Variants in TP73 observed in about 807,000 individuals in gnomAD.
The protein encoded by TP73 is tumor protein p73, also known as p53-like transcription factor.
TP73 carries 25 observed loss-of-function variants against 62.5 expected under a neutral mutation model. The ratio of observed to expected loss-of-function variants is 0.40; its 90% CI spans 0.29 to 0.56. TP73 has a LOEUF of 0.56. Among genes scored for constraint, TP73 ranks in the 20% least tolerant of loss-of-function variants. TP73 has a pLI of 0.46. For missense variants in TP73, 754 were observed against 913.3 expected (o/e 0.83, Z 2.25); for synonymous variants, 423 against 377.5 (o/e 1.12, Z -1.40).
At chr1:3,709,118 G>A (rs3765755) in intron 4 of TP73, among the ~76,000 whole-genome samples, 2 of 152,068 alleles carry the variant, frequency 1.3e-5, no homozygotes, top group East Asian at 1.9e-4. Context: ...CAGTCCTGCC[G>A]GGCTGGTCTG....
chr1:3,692,151 G>A (rs1047129664), intron 3 of TP73, among the ~76,000 whole-genome samples: 1 of 152,180 alleles, frequency 6.6e-6, no homozygotes, highest in Admixed American at 6.5e-5. Flanking sequence ...TGGTACTGCA[G>A]GTGTGATTGT....
At position 3,732,983 on chromosome 1, in the gene TP73, C is replaced by A. The variant is rs758304373; in HGVS notation, c.1815C>A (p.Gly605=). Residue 605 remains glycine (G), a synonymous_variant, in exon 14 of 14, where the codon GGC becomes GGA. Transcript: ENST00000378295. ...TIPNRGGPGG[G]PDEWADFGFD... is the part of the protein sequence containing the mutation. ...CCAACCGCGGCGGCCCAGGCGGCGG[C>A]CCTGACGAGTGGGCGGACTTCGGCT... 31 of 1,594,228 alleles carry A rather than the reference C, an allele frequency of 1.9e-5. No homozygotes were observed. The Middle Eastern group carries it at 6.6e-4, about 34-fold the overall frequency.
chr1:3,654,150 G>A (rs776642123), intron 1 of TP73, among the ~76,000 whole-genome samples: 1 of 152,154 alleles, frequency 6.6e-6, no homozygotes, highest in Non-Finnish European at 1.5e-5. Context: ...CTCCAGCCTG[G>A]GCAACAGAGC....
intron 4 of TP73, among the ~76,000 whole-genome samples, chr1:3,714,868 T>TA (rs760281804): frequency 6.6e-6 from 1 of 152,156 alleles, no homozygotes; most frequent in African/African-American, 2.4e-5. Context: ...CCAGATGGGG[T>TA]ACCTGGGTCC....
rs1313106660 is a variant in TP73, at chr1:3,701,893, G to A, written c.187-5656G>A. ...AGCGATGGGCCAGGTTACACAGGTG[G>A]AGCTGAGACTTGGCCCCAGGACTCC... On this transcript the variant is annotated intron_variant, in intron 3 of 13. Coordinates refer to ENST00000378295, the MANE Select transcript of TP73 (RefSeq NM_005427.4). This position sits in a 1 kb window ranked among gnomAD's most constrained non-coding sequence, Gnocchi z 4.7. 6.6e-6 allele frequency among the ~76,000 whole-genome samples: 1 copy of A among 152,216 alleles called. No individual in the cohort carries two copies. Among genetic ancestry groups the A allele is most frequent in the African/African-American group, 2.4e-5 (1 of 41,458 alleles).
intron 3 of TP73, among the ~76,000 whole-genome samples, chr1:3,695,018 CCA>C (rs1488575765): frequency 6.6e-6 from 1 of 152,280 alleles, no homozygotes; most frequent in Non-Finnish European, 1.5e-5. Context: ...CACTTGCTTC[CCA>C]CACTGTCCTT....
chr1:3,669,734 G>A (rs1645198662), intron 1 of TP73, among the ~76,000 whole-genome samples: 1 of 152,240 alleles, frequency 6.6e-6, no homozygotes, highest in Non-Finnish European at 1.5e-5. Context: ...GGAAGGGGCT[G>A]GGCATGTCCT....
At chr1:3,707,918 C>A in intron 4 of TP73, 127 bp downstream of exon 4, 1 of 1,434,754 alleles carries the variant, frequency 7.0e-7, no homozygotes, top group Non-Finnish European at 9.3e-7. Flanking sequence ...CCACCTGGCC[C>A]GGGCCAGGAG....
chr1:3,718,941 C>A (rs1450843580), intron 4 of TP73, among the ~76,000 whole-genome samples: 1 of 152,158 alleles, frequency 6.6e-6, no homozygotes, highest in Non-Finnish European at 1.5e-5. Flanking sequence ...CTAACACCTG[C>A]AGGCCACTGT....
At chr1:3,683,235 G>T (rs1202229083) in intron 3 of TP73, 55 bp downstream of exon 3, 7 of 1,551,580 alleles carry the variant, frequency 4.5e-6, no homozygotes, top group African/African-American at 1.4e-5. Context: ...AACAAATGTG[G>T]CCTGTCCTGT....
chr1:3,699,646 C>T lies in TP73; in HGVS notation c.187-7903C>T, dbSNP rs1471471431. Among the ~76,000 whole-genome samples, 1 of 152,238 alleles carries T rather than the reference C, an allele frequency of 6.6e-6. No individual in the cohort carries two copies. Among genetic ancestry groups the T allele is most frequent in the Non-Finnish European group, 1.5e-5 (1 of 68,048 alleles). On this transcript the variant is annotated intron_variant, in intron 3 of 13. Coordinates refer to ENST00000378295, the MANE Select transcript of TP73 (RefSeq NM_005427.4). The surrounding 1 kb of genome is among the most constrained non-coding windows in gnomAD (Gnocchi z 4.1). ...GTGGTGGATGAAGAAGAGCATGTCT[C>T]TGCCCCGTCTGGAGCTCCCGGTTCC...
Position 3,719,537 on chromosome 1 carries a change from G to A in TP73, c.430-2484G>A, listed in dbSNP as rs184917034. On this transcript the variant is annotated intron_variant, in intron 4 of 13. Transcript: ENST00000378295. ...GGCAGGGCCTTTGTCCAAGAGACCA[G>A]TGCCTGGACACAGGCCACTGCAAGT... Among the ~76,000 whole-genome samples the A allele has an allele frequency of 1.4e-4, 21 of 152,352 alleles. No homozygotes were observed. The East Asian group carries it at 4.1e-3, about 29-fold the overall frequency.
At chr1:3,709,442 C>G (rs928229557) in intron 4 of TP73, among the ~76,000 whole-genome samples, 1 of 152,254 alleles carries the variant, frequency 6.6e-6, no homozygotes, top group Admixed American at 6.5e-5. Flanking sequence ...CGTGCCAGGG[C>G]TGTGGCCAGC....
chr1:3,658,010 G>A (rs979394202), intron 1 of TP73, among the ~76,000 whole-genome samples: 6 of 152,344 alleles, frequency 3.9e-5, no homozygotes, highest in Admixed American at 1.3e-4. Context: ...ATCGGTCTGC[G>A]CGGAAGGGTC....
chr1:3,686,263 C>G (rs532230321), intron 3 of TP73, among the ~76,000 whole-genome samples: 2 of 152,232 alleles, frequency 1.3e-5, no homozygotes, highest in African/African-American at 2.4e-5. Context: ...TGGGTCTCCC[C>G]GAACCACGAG....
intron 3 of TP73, among the ~76,000 whole-genome samples, chr1:3,690,324 G>C (rs540100090): frequency 6.6e-6 from 1 of 152,300 alleles, no homozygotes; most frequent in East Asian, 1.9e-4. Flanking sequence ...GCAGGGGGCA[G>C]GTGCGCCCCA....
At position 3,670,384 on chromosome 1, in the gene TP73, G is replaced by A. The variant is rs1029075485; in HGVS notation, c.-33-11949G>A. 2.0e-5 allele frequency among the ~76,000 whole-genome samples: 3 copies of A among 152,182 alleles called. No individual in the cohort carries two copies. Among genetic ancestry groups the A allele is most frequent in the Non-Finnish European group, 1.5e-5 (1 of 68,036 alleles). Reference sequence around the variant, plus strand: ...GAGCCCCTTAGAAGTGGGGAAGAAGGCCAGGCGTGGTGGCTCACATCTGTA... The same window carrying A: ...GAGCCCCTTAGAAGTGGGGAAGAAGACCAGGCGTGGTGGCTCACATCTGTA... On this transcript the variant is annotated intron_variant, in intron 1 of 13. Coordinates refer to ENST00000378295, the MANE Select transcript of TP73 (RefSeq NM_005427.4). This position sits in a 1 kb window ranked among gnomAD's most constrained non-coding sequence, Gnocchi z 5.9.
intron 1 of TP73, among the ~76,000 whole-genome samples, chr1:3,679,333 C>T (rs1220414562): frequency 6.6e-6 from 1 of 152,234 alleles, no homozygotes; most frequent in Non-Finnish European, 1.5e-5. Flanking sequence ...GAGGGATGCC[C>T]CGTGCACACC....
chr1:3,732,882 G>T lies in TP73; in HGVS notation c.1714G>T (p.Gly572Cys). 6.2e-7 allele frequency: 1 copy of T among 1,611,568 alleles called. No homozygotes were observed. The highest frequency in any genetic ancestry group is 8.5e-7 in the Non-Finnish European group (1 of 1,179,648). The part of the protein sequence containing the change: ...RSSNAATISI[G>C]GSGELQRQRV... ...TAGCAACGCGGCCACCATCTCCATC[G>T]GCGGCTCAGGGGAACTGCAGCGCCA... Residue 572 changes from glycine (G) to cysteine (C), a missense_variant, in exon 14 of 14, where the codon GGC (glycine) becomes TGC (cysteine). Physicochemically the swap from Gly to Cys is radical, Grantham distance 159. Around this residue, in one of 3 missense-constraint regions of TP73, gnomAD observed 458 missense variants for 528.7 expected, o/e 0.87. Coordinates refer to ENST00000378295, the MANE Select transcript of TP73 (RefSeq NM_005427.4).
Sources: allele counts gnomAD v4.1 joint callset (sites outside exome capture counted in the v4.1 genomes callset), GRCh38; gene constraint gnomAD v4.1.1; regional missense constraint gnomAD v4.1.1; non-coding constraint Gnocchi (gnomAD v3.1); transcripts MANE v1.5; gene names NCBI Gene and HGNC (gene_info 2026-07-23, HGNC 2026-07-21).